Variants in TRPC5 observed in about 807,000 individuals in gnomAD.
The protein encoded by TRPC5 is transient receptor potential cation channel subfamily C member 5.
A neutral mutation model predicts 56.5 loss-of-function variants in TRPC5; 9 were observed. The observed-to-expected ratio is 0.16, with a 90% CI of 0.10 to 0.28. TRPC5 has a LOEUF of 0.28. Ranked by LOEUF, TRPC5 falls within the 10% of genes least tolerant of loss-of-function variation. The probability of loss-of-function intolerance (pLI) is 1.00; values close to 1 mark genes in which losing one functional copy is unlikely to be tolerated. For missense variants in TRPC5, 469 were observed against 748.9 expected, an observed-to-expected ratio of 0.63 and a Z score of 4.36; for synonymous variants, 282 against 278.5, an observed-to-expected ratio of 1.01 and a Z score of -0.13.
chrX:112,050,361 C>T (rs990472759), intron 1 of TRPC5, among the ~76,000 whole-genome samples: 3 of 112,517 alleles, frequency 2.7e-5, no homozygotes, highest in Non-Finnish European at 5.6e-5. Flanking sequence ...CATGGTATGA[C>T]ATGAAAGACA....
Position 111,847,107 on chromosome X carries a change from G to C in TRPC5, c.1700+7C>G. On this transcript the variant is annotated splice_region_variant and intron_variant, in intron 6 of 10. Transcript: ENST00000262839. Reference sequence around the variant, plus strand: ...ATAAATAAATAAAGGAAAGGGGATCGTCTTACGTGGAGAAGGCATTGTTCT... The same window carrying C: ...ATAAATAAATAAAGGAAAGGGGATCCTCTTACGTGGAGAAGGCATTGTTCT... 3 of 1,199,681 alleles carry C rather than the reference G, an allele frequency of 2.5e-6. No homozygotes were observed. The highest frequency in any genetic ancestry group is 3.4e-6 in the Non-Finnish European group (3 of 888,706).
chrX:112,027,432 G>C (rs1929442477), intron 1 of TRPC5, among the ~76,000 whole-genome samples: 1 of 112,145 alleles, frequency 8.9e-6, no homozygotes, highest in Non-Finnish European at 1.9e-5. Context: ...TTATGTTTAA[G>C]TTTCAGACCA....
chrX:111,976,431 GTC>G (rs929582330), intron 1 of TRPC5, among the ~76,000 whole-genome samples: 4 of 110,568 alleles, frequency 3.6e-5, no homozygotes, highest in Non-Finnish European at 7.6e-5. Context: ...GTGAGACCCT[GTC>G]TCTGAATAAA....
At chrX:111,989,449 G>A (rs889473866) in intron 1 of TRPC5, among the ~76,000 whole-genome samples, 11 of 111,118 alleles carry the variant, frequency 9.9e-5, no homozygotes, top group African/African-American at 2.3e-4. Flanking sequence ...TTTTTGGCTC[G>A]CCCACTCTAG....
At chrX:111,996,655 T>A (rs761988339) in intron 1 of TRPC5, among the ~76,000 whole-genome samples, 27 of 111,615 alleles carry the variant, frequency 2.4e-4, no homozygotes, top group Non-Finnish European at 3.0e-4. Flanking sequence ...GCTTTATGAA[T>A]CTGGGTGCTC....
intron 3 of TRPC5, among the ~76,000 whole-genome samples, chrX:111,859,911 T>G (rs1381082956): frequency 8.9e-6 from 1 of 112,888 alleles, no homozygotes; most frequent in Non-Finnish European, 1.9e-5. Flanking sequence ...TTTTTTTGTT[T>G]GTTTGTTTGT....
At chrX:111,778,762 T>A (rs1395963734) in intron 10 of TRPC5, among the ~76,000 whole-genome samples, 1 of 111,922 alleles carries the variant, frequency 8.9e-6, no homozygotes, top group Admixed American at 9.5e-5. Flanking sequence ...AAAGAATGCA[T>A]ACAGCAGATT....
chrX:111,795,965 G>A (rs985924288), intron 7 of TRPC5, among the ~76,000 whole-genome samples: 4 of 109,410 alleles, frequency 3.7e-5, no homozygotes, highest in Non-Finnish European at 7.6e-5. Context: ...TGGTACATCT[G>A]ATGTCCCACA....
intron 1 of TRPC5, among the ~76,000 whole-genome samples, chrX:112,015,183 G>A: frequency 9.0e-6 from 1 of 110,879 alleles, no homozygotes; most frequent in African/African-American, 3.3e-5. Flanking sequence ...GGGATTACAG[G>A]TGCCTGCCAC....
At chrX:111,909,885 C>T (rs774745942) in intron 3 of TRPC5, among the ~76,000 whole-genome samples, 4 of 111,570 alleles carry the variant, frequency 3.6e-5, no homozygotes, top group African/African-American at 1.3e-4. Context: ...CAAAAGTGAT[C>T]ATATGACAAG....
At chrX:111,993,003 C>T (rs1417657749) in intron 1 of TRPC5, among the ~76,000 whole-genome samples, 28 of 110,451 alleles carry the variant, frequency 2.5e-4, no homozygotes, top group African/African-American at 8.9e-4. Flanking sequence ...CTGTACCCAT[C>T]AACTCATCAT....
chrX:112,074,727 C>T (rs182037361), intron 1 of TRPC5, among the ~76,000 whole-genome samples: 184 of 111,738 alleles, frequency 1.6e-3, no homozygotes, highest in African/African-American at 5.5e-3. Context: ...CTGACCATGT[C>T]GAAAGTTCCT....
intron 3 of TRPC5, chrX:111,903,952 G>T (rs189023313): frequency 8.9e-6 from 1 of 112,073 alleles, no homozygotes; most frequent in Non-Finnish European, 1.9e-5. Flanking sequence ...TCTTTCAAGA[G>T]ATTTTAACTA....
At chrX:111,958,599 C>A (rs1050647588) in intron 1 of TRPC5, among the ~76,000 whole-genome samples, 1 of 112,209 alleles carries the variant, frequency 8.9e-6, no homozygotes, top group Admixed American at 9.4e-5. Flanking sequence ...GTCATGGGCT[C>A]GGGCAAGAAG....
intron 7 of TRPC5, among the ~76,000 whole-genome samples, chrX:111,795,358 A>G (rs992010239): frequency 3.6e-5 from 4 of 111,177 alleles, no homozygotes; most frequent in African/African-American, 1.3e-4. Flanking sequence ...AAAAATCATC[A>G]ATGTATGTTG....
chrX:111,937,562 T>G (rs1196589859), intron 2 of TRPC5, among the ~76,000 whole-genome samples: 1 of 107,811 alleles, frequency 9.3e-6, no homozygotes. Flanking sequence ...TTTCTACATA[T>G]GGCTAGCCAG....
chrX:111,888,724 GA>G (rs1366282058), intron 3 of TRPC5, among the ~76,000 whole-genome samples: 2 of 86,605 alleles, frequency 2.3e-5, no homozygotes, highest in Admixed American at 2.5e-4. Flanking sequence ...AAAAAAGAAA[GA>G]AAAGAAAAGA....
intron 2 of TRPC5, among the ~76,000 whole-genome samples, chrX:111,936,451 G>A (rs758985737): frequency 1.7e-4 from 19 of 109,263 alleles, no homozygotes; most frequent in African/African-American, 5.7e-4. Flanking sequence ...CCATTAACTC[G>A]TCATTTAGCA....
rs1930918955 is a variant in TRPC5, at chrX:112,079,788, A to G, written c.-22+2091T>C. Among the ~76,000 whole-genome samples the G allele has an allele frequency of 2.7e-5, 3 of 111,492 alleles. No individual in the cohort carries two copies. In the South Asian group the frequency reaches 1.1e-3, roughly 43 times the overall value. ...TTCAGGTCTCCATGTTGAGATGTAC[A>G]CTGAAGCCAGGTGAATTAGTATCAG... On this transcript the variant is annotated intron_variant, in intron 1 of 10. Transcript: ENST00000262839.
Sources: allele counts gnomAD v4.1 joint callset (sites outside exome capture counted in the v4.1 genomes callset), GRCh38; gene constraint gnomAD v4.1.1; transcripts MANE v1.5; gene names NCBI Gene and HGNC (gene_info 2026-07-23, HGNC 2026-07-21).